Variants in FLT1 observed in about 807,000 individuals in gnomAD.
The protein encoded by FLT1 is fms related receptor tyrosine kinase 1, also known as vascular endothelial growth factor receptor 1.
In FLT1, 49 loss-of-function variants were observed where a neutral mutation model predicts 156.3. The observed-to-expected ratio is 0.31, with a 90% CI of 0.25 to 0.40. The LOEUF is 0.40. Ranked by LOEUF, FLT1 falls within the 10% of genes least tolerant of loss-of-function variation. FLT1 has a pLI of 1.00. For synonymous variants in FLT1, 594 were observed against 583.8 expected (o/e 1.02, Z -0.25); for missense variants, 1,322 against 1,637.2 (o/e 0.81, Z 3.32).
At chr13:28,334,235 A>C in intron 17 of FLT1, 106 bp from the exon 18 acceptor site, 1 of 806,900 alleles carries the variant, frequency 1.2e-6, no homozygotes, top group Non-Finnish European at 2.2e-6. Context: ...TGAGGCATGG[A>C]ATCTCCAGTG....
At chr13:28,424,497 T>C (rs528123710) in intron 10 of FLT1, among the ~76,000 whole-genome samples, 131 of 151,752 alleles carry the variant, frequency 8.6e-4, no homozygotes, top group African/African-American at 3.0e-3. Flanking sequence ...TCGGTAGTTA[T>C]AATAACTTAA....
intron 6 of FLT1, among the ~76,000 whole-genome samples, chr13:28,431,795 T>C (rs1593785942): frequency 6.6e-6 from 1 of 152,336 alleles, no homozygotes; most frequent in East Asian, 1.9e-4. Context: ...TCTGGCTTAA[T>C]GACAGTGCTT....
At chr13:28,429,677 G>A (rs1419065720) in intron 8 of FLT1, among the ~76,000 whole-genome samples, 4 of 152,096 alleles carry the variant, frequency 2.6e-5, no homozygotes, top group Non-Finnish European at 5.9e-5. Flanking sequence ...CTCATTACAA[G>A]AGCCCACTTC....
At chr13:28,382,178 G>A (rs1482592422) in intron 14 of FLT1, among the ~76,000 whole-genome samples, 1 of 152,190 alleles carries the variant, frequency 6.6e-6, no homozygotes, top group African/African-American at 2.4e-5. Context: ...ACTCACGGAG[G>A]ATCTGCCTCC....
intron 22 of FLT1, 80 bp from the exon 23 acceptor site, chr13:28,321,665 T>C: frequency 6.9e-7 from 1 of 1,439,502 alleles, no homozygotes; most frequent in Non-Finnish European, 9.8e-7. Flanking sequence ...TGTCATTATC[T>C]TAATTTGGGA....
chr13:28,309,331 C>G (rs1476100390), intron 27 of FLT1, among the ~76,000 whole-genome samples: 2 of 138,976 alleles, frequency 1.4e-5, no homozygotes, highest in African/African-American at 5.7e-5. Context: ...CCTGGCATGG[C>G]TACACGGCTA....
intron 13 of FLT1, chr13:28,387,955 CAG>C (rs991299656): frequency 2.5e-5 from 27 of 1,061,362 alleles, no homozygotes; most frequent in African/African-American, 1.6e-4. Flanking sequence ...AAATTGCAAA[CAG>C]GGGAAGGAAA....
chr13:28,319,490 G>A lies in FLT1; in HGVS notation c.3219C>T (p.Asp1073=), dbSNP rs556704930. 2.9e-5 allele frequency: 46 copies of A among 1,613,978 alleles called. 1 individual carries two copies. In the Admixed American group the frequency reaches 5.5e-4, roughly 19 times the overall value. ...CGTCGCTCTTGGTGCTGTAGATTTTGTCAAAGATAGATTCAGGAGCCATCC... is the reference window on the plus strand; with the variant it reads ...CGTCGCTCTTGGTGCTGTAGATTTTATCAAAGATAGATTCAGGAGCCATCC... ...LKWMAPESIF[D]KIYSTKSDVW... Residue 1073 remains aspartate, a synonymous_variant, in exon 24 of 30, where the codon GAC becomes GAT. Coordinates refer to ENST00000282397, the MANE Select transcript of FLT1 (RefSeq NM_002019.4).
At chr13:28,442,880 G>C (rs188661461) in intron 3 of FLT1, among the ~76,000 whole-genome samples, 6 of 152,214 alleles carry the variant, frequency 3.9e-5, no homozygotes, top group Non-Finnish European at 5.9e-5. Flanking sequence ...AAGAGGTCAC[G>C]GTTCCATTAA....
Position 28,494,904 on chromosome 13 carries a change from C to A in FLT1, c.-61G>T. On this transcript the variant is annotated 5_prime_UTR_variant, in exon 1 of 30. Transcript: ENST00000282397. ...CGCTCCCCGCGGCCAACGACCCGGCCGCCAGAGTCCGTCCTCTCGTTCGCC... is the reference window on the plus strand; with the variant it reads ...CGCTCCCCGCGGCCAACGACCCGGCAGCCAGAGTCCGTCCTCTCGTTCGCC... 3 of 1,365,406 alleles carry A rather than the reference C, an allele frequency of 2.2e-6. No individual in the cohort carries two copies. Among genetic ancestry groups the A allele is most frequent in the East Asian group, 2.9e-5 (1 of 34,608 alleles). 84.6% of individuals were successfully genotyped at this position (1,365,406 alleles called of 1,614,324 possible).
chr13:28,479,162 C>T (rs980132988), intron 1 of FLT1, among the ~76,000 whole-genome samples: 2 of 152,186 alleles, frequency 1.3e-5, no homozygotes, highest in Non-Finnish European at 2.9e-5. Context: ...TATATACAAA[C>T]CCTCTGACCT....
intron 28 of FLT1, among the ~76,000 whole-genome samples, chr13:28,307,794 A>G (rs1421465956): frequency 1.2e-5 from 1 of 82,894 alleles, no homozygotes; most frequent in Non-Finnish European, 2.5e-5. Context: ...TTTGAGACGG[A>G]GTCCAGCTCT....
intron 1 of FLT1, among the ~76,000 whole-genome samples, chr13:28,485,450 TTTTATTTA>T (rs142644753): frequency 6.6e-6 from 1 of 152,068 alleles, no homozygotes; most frequent in Non-Finnish European, 1.5e-5. Flanking sequence ...CTGTTTTATT[TTTTATTTA>T]TTTATTTATT....
chr13:28,314,960 TGA>T (rs1258219414), intron 25 of FLT1, among the ~76,000 whole-genome samples: 1 of 152,244 alleles, frequency 6.6e-6, no homozygotes, highest in East Asian at 1.9e-4. Context: ...AAAGCTGATG[TGA>T]CTTTGTACCT....
At chr13:28,395,865 A>G (rs1411373138) in intron 12 of FLT1, among the ~76,000 whole-genome samples, 1 of 152,242 alleles carries the variant, frequency 6.6e-6, no homozygotes, top group Admixed American at 6.5e-5. Flanking sequence ...AAACTGTTAC[A>G]AAGTTATTGA....
chr13:28,454,456 GAGGTGGTTAT>G (rs766303680), intron 3 of FLT1, among the ~76,000 whole-genome samples: 6 of 152,194 alleles, frequency 3.9e-5, no homozygotes, highest in Non-Finnish European at 8.8e-5. Context: ...TTGATTATGG[GAGGTGGTTAT>G]AGGCAAGAAC....
chr13:28,450,482 G>A (rs1421347418), intron 3 of FLT1, among the ~76,000 whole-genome samples: 2 of 151,704 alleles, frequency 1.3e-5, no homozygotes, highest in Non-Finnish European at 2.9e-5. Context: ...TTGATCAGTT[G>A]AGACATCTCA....
At chr13:28,444,712 G>A (rs941112638) in intron 3 of FLT1, among the ~76,000 whole-genome samples, 6 of 151,990 alleles carry the variant, frequency 3.9e-5, no homozygotes, top group Non-Finnish European at 7.4e-5. Context: ...ATCAATAACA[G>A]AAATAAATTT....
At chr13:28,455,195 A>G (rs907108100) in intron 3 of FLT1, among the ~76,000 whole-genome samples, 5 of 152,336 alleles carry the variant, frequency 3.3e-5, no homozygotes, top group Admixed American at 6.5e-5. Flanking sequence ...AATAGCCAAT[A>G]TAATATTGAA....
Sources: gnomAD v4.1 joint callset for allele counts (sites outside exome capture counted in the v4.1 genomes callset) on GRCh38, gnomAD v4.1.1 for gene constraint, MANE v1.5 for transcripts, NCBI Gene and HGNC (gene_info 2026-07-23, HGNC 2026-07-21) for gene names.